Variants in CNTN6 observed in about 807,000 individuals in gnomAD.
CNTN6 encodes the protein contactin 6.
A neutral mutation model predicts 122.8 loss-of-function variants in CNTN6; 137 were observed. That is an observed-to-expected ratio of 1.12 (90% CI 0.97 to 1.29). The LOEUF (loss-of-function observed/expected upper bound fraction) is 1.29, where lower values mean the gene tolerates loss of function less well. Ranked by LOEUF, CNTN6 falls within the 50% of genes most tolerant of loss-of-function variation. The probability of loss-of-function intolerance (pLI) is 0.00; values close to 1 mark genes in which losing one functional copy is unlikely to be tolerated. For missense variants in CNTN6, 1,634 were observed against 1,223.4 expected (o/e 1.34, Z -5.01); for synonymous variants, 570 against 426.0 (o/e 1.34, Z -4.16).
At chr3:1,117,771 A>G (rs748848960) in intron 1 of CNTN6, among the ~76,000 whole-genome samples, 11 of 152,146 alleles carry the variant, frequency 7.2e-5, no homozygotes, top group Non-Finnish European at 1.5e-4. Flanking sequence ...ATGTTCCCAG[A>G]GGTATTCCTG....
At chr3:1,134,501 T>C (rs1162916479) in intron 1 of CNTN6, among the ~76,000 whole-genome samples, 3 of 152,116 alleles carry the variant, frequency 2.0e-5, no homozygotes, top group African/African-American at 7.2e-5. Context: ...TCCACACTGC[T>C]AGTAGCCCGT....
chr3:1,361,193 A>G (rs1317718052), intron 12 of CNTN6, among the ~76,000 whole-genome samples: 1 of 152,102 alleles, frequency 6.6e-6, no homozygotes, highest in Non-Finnish European at 1.5e-5. Flanking sequence ...CACACACGCT[A>G]AACCCACACC....
chr3:1,330,203 T>C (rs572935225), intron 11 of CNTN6, among the ~76,000 whole-genome samples: 2 of 152,052 alleles, frequency 1.3e-5, no homozygotes, highest in Non-Finnish European at 1.5e-5. Context: ...GACCTTTTTC[T>C]ACATTCAGTT....
chr3:1,165,855 C>G (rs1314975963), intron 2 of CNTN6, among the ~76,000 whole-genome samples: 1 of 152,204 alleles, frequency 6.6e-6, no homozygotes, highest in Non-Finnish European at 1.5e-5. Context: ...CTCTGTGCCA[C>G]TGCCTTTCTT....
intron 4 of CNTN6, among the ~76,000 whole-genome samples, chr3:1,251,195 G>A (rs147846859): frequency 2.0e-3 from 307 of 151,880 alleles, no homozygotes; most frequent in Middle Eastern, 6.8e-3. Flanking sequence ...CTTGTTTATC[G>A]ACCCATCTTA....
At chr3:1,199,192 T>TTA (rs1382605787) in intron 2 of CNTN6, among the ~76,000 whole-genome samples, 1 of 150,982 alleles carries the variant, frequency 6.6e-6, no homozygotes, top group African/African-American at 2.4e-5. Context: ...TTTTTTTTTT[T>TTA]TCCTGAGACA....
At position 1,167,150 on chromosome 3, in the gene CNTN6, AAAAC is replaced by A. The variant is rs558218816; in HGVS notation, c.55+19107_55+19110del. On this transcript the variant is annotated intron_variant, in intron 2 of 22. Coordinates refer to ENST00000446702, the MANE Select transcript of CNTN6 (RefSeq NM_001289080.2). ...GTGGAGGAGTGGGGAGAATAAAACA[AAAAC>A]AAACAAACAAACAAACAAAAACACC... Among the ~76,000 whole-genome samples, 510 of 152,220 alleles carry A rather than the reference AAAAC, an allele frequency of 3.4e-3. 1 individual carries two copies. The highest frequency in any genetic ancestry group is 7.4e-3 in the African/African-American group (309 of 41,514).
intron 1 of CNTN6, among the ~76,000 whole-genome samples, chr3:1,105,055 T>C (rs2091151578): frequency 6.6e-6 from 1 of 152,146 alleles, no homozygotes; most frequent in African/African-American, 2.4e-5. Flanking sequence ...ACAATTTGCA[T>C]GTCAAATTGT....
intron 4 of CNTN6, among the ~76,000 whole-genome samples, chr3:1,230,392 A>G (rs997685889): frequency 6.6e-6 from 1 of 152,206 alleles, no homozygotes; most frequent in Admixed American, 6.5e-5. Flanking sequence ...TCCCTGATCC[A>G]TTATGGACCC....
chr3:1,291,914 T>G (rs1695392860), intron 5 of CNTN6, among the ~76,000 whole-genome samples: 1 of 152,140 alleles, frequency 6.6e-6, no homozygotes. Flanking sequence ...AAAAGCAAAT[T>G]GCATTTATGC....
chr3:1,161,213 T>C (rs1018825610), intron 2 of CNTN6, among the ~76,000 whole-genome samples: 4 of 138,118 alleles, frequency 2.9e-5, no homozygotes, highest in Non-Finnish European at 6.2e-5. Context: ...CAGTGAGAAA[T>C]AGTCTAAGAT....
chr3:1,122,520 A>G (rs1286209878), intron 1 of CNTN6, among the ~76,000 whole-genome samples: 9 of 151,938 alleles, frequency 5.9e-5, no homozygotes, highest in Non-Finnish European at 1.2e-4. Context: ...ACGATGTTGC[A>G]CAACCACCAC....
At chr3:1,177,858 T>C (rs1199036004) in intron 2 of CNTN6, among the ~76,000 whole-genome samples, 1 of 151,754 alleles carries the variant, frequency 6.6e-6, no homozygotes, top group Non-Finnish European at 1.5e-5. Flanking sequence ...CTGTCTTGAC[T>C]GGTGTTCACT....
rs554785306 is a variant in CNTN6 at position 1,343,462 on chromosome 3, C to A, written c.1365-8862C>A. On this transcript the variant is annotated intron_variant, in intron 11 of 22. Transcript: ENST00000446702. ...TGTTTATAAGTATAAAGTTTATACT[C>A]CTTATTTATACTTATAAATAATGTG... Among the ~76,000 whole-genome samples, 4 of 152,154 alleles carry A rather than the reference C, an allele frequency of 2.6e-5. No homozygotes were observed. The South Asian group carries it at 6.2e-4, about 24-fold the overall frequency.
At chr3:1,246,393 C>G (rs1019104664) in intron 4 of CNTN6, among the ~76,000 whole-genome samples, 1 of 152,092 alleles carries the variant, frequency 6.6e-6, no homozygotes, top group Admixed American at 6.5e-5. Flanking sequence ...TTTTTCTGAT[C>G]ACATATAATA....
At chr3:1,246,446 T>C (rs909752949) in intron 4 of CNTN6, among the ~76,000 whole-genome samples, 2 of 152,012 alleles carry the variant, frequency 1.3e-5, no homozygotes, top group Non-Finnish European at 2.9e-5. Flanking sequence ...GAACTTTTAC[T>C]GTTATTGGAA....
At chr3:1,251,849 G>A (rs1029987176) in intron 4 of CNTN6, among the ~76,000 whole-genome samples, 1 of 152,214 alleles carries the variant, frequency 6.6e-6, no homozygotes, top group Non-Finnish European at 1.5e-5. Flanking sequence ...TATAATTTAT[G>A]TTATAAACTG....
rs561221584 is a variant in CNTN6 at position 1,163,100 on chromosome 3, G to A, written c.55+15037G>A. Among the ~76,000 whole-genome samples the A allele has an allele frequency of 2.6e-5, 4 of 152,270 alleles. No homozygotes were observed. In the South Asian group the frequency reaches 8.3e-4, roughly 32 times the overall value. ...ACCCAATGATTCTAAGATGAGAAGC[G>A]TTACACAGTTTTACAATTTCTTAAT... On this transcript the variant is annotated intron_variant, in intron 2 of 22. Coordinates refer to ENST00000446702, the MANE Select transcript of CNTN6 (RefSeq NM_001289080.2).
At position 1,333,395 on chromosome 3, in the gene CNTN6, T is replaced by C. The variant is rs56933553; in HGVS notation, c.1364+3460T>C. 6.5e-3 allele frequency among the ~76,000 whole-genome samples: 986 copies of C among 152,140 alleles called. 12 individuals carry two copies. The highest frequency in any genetic ancestry group is 0.022 in the African/African-American group (929 of 41,524). ...TTAATGCCACACCAGACTGATTATT[T>C]CACTCAAATAGCAATATATACATAA... is the stretch of plus-strand genomic sequence containing the variant. On this transcript the variant is annotated intron_variant, in intron 11 of 22. Coordinates refer to ENST00000446702, the MANE Select transcript of CNTN6 (RefSeq NM_001289080.2).
Sources: allele counts gnomAD v4.1 joint callset (sites outside exome capture counted in the v4.1 genomes callset), GRCh38; gene constraint gnomAD v4.1.1; transcripts MANE v1.5; gene names NCBI Gene and HGNC (gene_info 2026-07-23, HGNC 2026-07-21).